SPCS3: variants seen among roughly 807,000 people sequenced by gnomAD.
SPCS3 encodes the protein signal peptidase complex subunit 3.
Under a neutral mutation model 17.2 loss-of-function variants are expected in SPCS3, and 9 were observed. The ratio of observed to expected loss-of-function variants is 0.52; its 90% CI spans 0.31 to 0.91. The LOEUF (loss-of-function observed/expected upper bound fraction) is 0.91. Among genes scored for constraint, SPCS3 ranks in the 40% least tolerant of loss-of-function variants. The probability of loss-of-function intolerance (pLI) is 0.04; values close to 1 mark genes in which losing one functional copy is unlikely to be tolerated. For synonymous variants in SPCS3, 87 were observed against 89.6 expected (o/e 0.97, Z 0.16); for missense variants, 139 against 217.5 (o/e 0.64, Z 2.27).
intron 2 of SPCS3, among the ~76,000 whole-genome samples, chr4:176,322,735 ACT>A (rs758217584): frequency 1.3e-5 from 2 of 152,114 alleles, no homozygotes. Context: ...TGCCGTCATA[ACT>A]CTTTTTATAA....
Position 176,328,465 on chromosome 4 carries a change from A to G in SPCS3, c.*135A>G. 1.6e-6 allele frequency: 1 copy of G among 616,042 alleles called. No homozygotes were observed. The highest frequency in any genetic ancestry group is 4.0e-5 in the Admixed American group (1 of 24,738). The allele number at this position is 616,042 out of a possible 1,614,324, so 38.2% of individuals were successfully genotyped here. On this transcript the variant is annotated 3_prime_UTR_variant, in exon 5 of 5. Transcript: ENST00000503362. ...TTTTTTTTTTTTTTTTGGTATAAGA[A>G]CTAACATCAAAAGGCCTGTTTAAAG...
chr4:176,320,751 C>G (rs1291800692), intron 1 of SPCS3: 2 of 152,350 alleles, frequency 1.3e-5, no homozygotes, highest in Non-Finnish European at 2.9e-5. Context: ...TTTGACATTC[C>G]CTTTACAGTT....
intron 2 of SPCS3, among the ~76,000 whole-genome samples, chr4:176,322,887 T>C (rs1469307838): frequency 6.6e-6 from 1 of 152,152 alleles, no homozygotes; most frequent in Non-Finnish European, 1.5e-5. Context: ...TTTTAGGGTC[T>C]TTCTTAGGTT....
Position 176,327,487 on chromosome 4 carries a change from A to G in SPCS3, c.410+210A>G, listed in dbSNP as rs575836646. Reference sequence around the variant, plus strand: ...TTGCAGTTTCTGAAATGTCATAGTCAAACTAATAAAGCTTCTATCCTAAGC... The same window carrying G: ...TTGCAGTTTCTGAAATGTCATAGTCGAACTAATAAAGCTTCTATCCTAAGC... On this transcript the variant is annotated intron_variant, in intron 4 of 4. Transcript: ENST00000503362. The G allele has an allele frequency of 1.1e-5, 4 of 353,706 alleles. No individual in the cohort carries two copies. The Admixed American group carries it at 1.3e-4, about 12-fold the overall frequency. The allele number at this position is 353,706 out of a possible 1,614,324, so 21.9% of individuals were successfully genotyped here. A position where few individuals can be genotyped will look rare whatever the true frequency, so the allele number is the denominator to read the frequency against.
Position 176,328,299 on chromosome 4 carries a change from C to T in SPCS3, c.512C>T (p.Pro171Leu). The T allele has an allele frequency of 6.2e-7, 1 of 1,606,642 alleles. No individual in the cohort carries two copies. Residue 171 changes from proline (P) to leucine (L), a missense_variant, in exon 5 of 5, where the codon CCA (proline) becomes CTA (leucine). Transcript: ENST00000503362. ...TGSGHVSVPF[P>L]DTYEITKSY ...TCAGGACACGTATCTGTCCCATTTC[C>T]AGATACATATGAAATAACGAAGAGT...
In SPCS3 at chr4:176,330,436, A is replaced by G. The variant is rs926934033; in HGVS notation, c.*2106A>G. On this transcript the variant is annotated 3_prime_UTR_variant, in exon 5 of 5. Coordinates refer to ENST00000503362, the MANE Select transcript of SPCS3 (RefSeq NM_021928.4). The stretch of plus-strand genomic sequence containing the variant: ...GGATCTGTTAGTCTGGTAGAGATTA[A>G]TGTTGAAATTTACTTGAATTACAGT... The G allele has an allele frequency of 4.6e-5, 7 of 152,198 alleles. No individual in the cohort carries two copies. Among genetic ancestry groups the G allele is most frequent in the Non-Finnish European group, 1.0e-4 (7 of 68,016 alleles). The allele number at this position is 152,198 out of a possible 1,614,324, so 9.4% of individuals were successfully genotyped here.
In SPCS3 at chr4:176,326,966, A is replaced by AT. The variant is rs1185908935; in HGVS notation, c.295-194dup. On this transcript the variant is annotated intron_variant, in intron 3 of 4. Transcript: ENST00000503362. ...GAATGAACTCCTTCAGGGAATTGTC[A>AT]TTCTTCTCTCTGAGAAAAGTTTGCC... 3 of 410,306 alleles carry AT rather than the reference A, an allele frequency of 7.3e-6. No individual in the cohort carries two copies. The East Asian group carries it at 1.5e-4, about 21-fold the overall frequency. 25.4% of individuals were successfully genotyped at this position (410,306 alleles called of 1,614,324 possible). A position where few individuals can be genotyped will look rare whatever the true frequency, so the allele number is the denominator to read the frequency against.
chr4:176,322,285 TA>T (rs1416231971), intron 2 of SPCS3, 42 bp downstream of exon 2: 2 of 1,264,082 alleles, frequency 1.6e-6, no homozygotes, highest in African/African-American at 3.0e-5. Context: ...TCTGTAGTTT[TA>T]TAATGAGATA....
intron 4 of SPCS3, 54 bp downstream of exon 4, chr4:176,327,331 AAG>A: frequency 3.6e-6 from 4 of 1,096,500 alleles, no homozygotes; most frequent in Non-Finnish European, 5.1e-6. Context: ...AAAAGAGAGA[AAG>A]ATGTATTTTT....
At chr4:176,322,029 A>T in intron 1 of SPCS3, 141 bp from the exon 2 acceptor site, 1 of 512,080 alleles carries the variant, frequency 2.0e-6, no homozygotes, top group East Asian at 3.2e-5. Flanking sequence ...TCACACTTAC[A>T]GGTTTCTCTG....
At chr4:176,327,002 A>G (rs1047546044) in intron 3 of SPCS3, 160 bp from the exon 4 acceptor site, 22 of 462,986 alleles carry the variant, frequency 4.8e-5, no homozygotes, top group Middle Eastern at 5.9e-4. Flanking sequence ...CCTTTTTTGT[A>G]TCTCTCTCTT....
intron 2 of SPCS3, among the ~76,000 whole-genome samples, chr4:176,322,672 G>C (rs1409631878): frequency 6.6e-6 from 1 of 152,118 alleles, no homozygotes; most frequent in African/African-American, 2.4e-5. Flanking sequence ...AATTACGTGT[G>C]TTATGATTTG....
intron 1 of SPCS3, chr4:176,320,901 TTTTC>T (rs1172673531): frequency 6.6e-6 from 1 of 152,190 alleles, no homozygotes; most frequent in African/African-American, 2.4e-5. Context: ...CTTTATTTCT[TTTTC>T]TTTTGCCAAC....
intron 1 of SPCS3, chr4:176,320,525 C>T (rs2126999214): frequency 5.7e-6 from 1 of 175,050 alleles, no homozygotes; most frequent in East Asian, 1.5e-4. Context: ...TCCACCCACG[C>T]CTGGCCAATG....
At chr4:176,327,653 T>G (rs1398153914) in intron 4 of SPCS3, among the ~76,000 whole-genome samples, 1 of 152,200 alleles carries the variant, frequency 6.6e-6, no homozygotes, top group Non-Finnish European at 1.5e-5. Flanking sequence ...AGAAGTAGTA[T>G]TGGTTCTCCA....
rs1216240704 is a variant in SPCS3, at chr4:176,329,111, T to C, written c.*781T>C. 1.3e-5 allele frequency: 2 copies of C among 152,156 alleles called. No homozygotes were observed. Among genetic ancestry groups the C allele is most frequent in the African/African-American group, 4.8e-5 (2 of 41,454 alleles). 9.4% of individuals were successfully genotyped at this position (152,156 alleles called of 1,614,324 possible). A position where few individuals can be genotyped will look rare whatever the true frequency, so the allele number is the denominator to read the frequency against. The stretch of plus-strand genomic sequence containing the variant: ...TTTGCATGGTTTACCCTCTGAGTTA[T>C]GTTTCTTCTAGTGAGCATGCCTGCT... On this transcript the variant is annotated 3_prime_UTR_variant, in exon 5 of 5. Coordinates refer to ENST00000503362, the MANE Select transcript of SPCS3 (RefSeq NM_021928.4).
rs758362126 is a variant in SPCS3 at position 176,320,610 on chromosome 4, G to T, written c.143+391G>T. On this transcript the variant is annotated intron_variant, in intron 1 of 4. Transcript: ENST00000503362. ...GCCTCCCGCGCGTCCGGTGCCGCTC[G>T]TGGTCCGCATGCGAGGCCCTCCAGG... The T allele has an allele frequency of 3.8e-4, 58 of 154,440 alleles. No individual in the cohort carries two copies. In the Middle Eastern group the frequency reaches 0.02, roughly 53 times the overall value. 9.6% of individuals were successfully genotyped at this position (154,440 alleles called of 1,614,324 possible).
In SPCS3 at chr4:176,328,724, T is replaced by A. The variant is rs2127002576; in HGVS notation, c.*394T>A. On this transcript the variant is annotated 3_prime_UTR_variant, in exon 5 of 5. Coordinates refer to ENST00000503362, the MANE Select transcript of SPCS3 (RefSeq NM_021928.4). ...AATAACTGTATTTTATGCCTTGCATTCACGCAAATTCACATTGGATGTGAT... is the reference window on the plus strand; with the variant it reads ...AATAACTGTATTTTATGCCTTGCATACACGCAAATTCACATTGGATGTGAT... 1 of 152,520 alleles carries A rather than the reference T, an allele frequency of 6.6e-6. No homozygotes were observed. The highest frequency in any genetic ancestry group is 1.5e-5 in the Non-Finnish European group (1 of 68,126). The allele number at this position is 152,520 out of a possible 1,614,324, so 9.4% of individuals were successfully genotyped here.
intron 1 of SPCS3, chr4:176,320,963 C>G (rs1278428863): frequency 1.3e-5 from 2 of 152,218 alleles, no homozygotes; most frequent in Admixed American, 6.5e-5. Context: ...TTCGAAATGA[C>G]AGTGCCATTT....
Sources: gnomAD v4.1 joint callset for allele counts (sites outside exome capture counted in the v4.1 genomes callset) on GRCh38, gnomAD v4.1.1 for gene constraint, MANE v1.5 for transcripts, NCBI Gene and HGNC (gene_info 2026-07-23, HGNC 2026-07-21) for gene names.